Variants in EWSR1 observed in about 807,000 individuals in gnomAD.
EWSR1 encodes EWS RNA binding protein 1.
In EWSR1, 14 loss-of-function variants were observed where a neutral mutation model predicts 92.1. The observed-to-expected ratio is 0.15, with a 90% confidence interval of 0.10 to 0.24. EWSR1 has a LOEUF of 0.24. Among genes scored for constraint, EWSR1 ranks in the 10% least tolerant of loss-of-function variants. The pLI is 1.00. For synonymous variants in EWSR1, 303 were observed against 292.9 expected (o/e 1.03, Z -0.35); for missense variants, 637 against 870.9 (o/e 0.73, Z 3.38).
intron 8 of EWSR1, chr22:29,289,947 C>G (rs1043523512): frequency 4.3e-6 from 1 of 231,242 alleles, no homozygotes; most frequent in Non-Finnish European, 8.5e-6. Flanking sequence ...AAAGGTTTCA[C>G]TTCTTTTTGG....
In EWSR1 at chr22:29,298,898, A is replaced by G. The variant is rs2061104933; in HGVS notation, c.1580+3A>G. On this transcript the variant is annotated splice_donor_region_variant and intron_variant, in intron 14 of 16. Coordinates refer to ENST00000397938, the MANE Select transcript of EWSR1 (RefSeq NM_005243.4). The stretch of plus-strand genomic sequence containing the variant: ...GGAGACTGGCAGTGTCCCAATCCGT[A>G]TGTACTTGTCTTGGCAAATTGATAC... The G allele has an allele frequency of 6.5e-7, 1 of 1,540,030 alleles. No homozygotes were observed. The highest frequency in any genetic ancestry group is 8.7e-7 in the Non-Finnish European group (1 of 1,150,618).
At chr22:29,287,308 A>G (rs2060120312) in intron 7 of EWSR1, among the ~76,000 whole-genome samples, 174 bp downstream of exon 7, 1 of 152,132 alleles carries the variant, frequency 6.6e-6, no homozygotes. Context: ...TCCTGGTTCA[A>G]GCAATTCTCC....
intron 11 of EWSR1, chr22:29,295,995 G>T (rs1284583453): frequency 5.3e-6 from 2 of 379,844 alleles, no homozygotes; most frequent in African/African-American, 4.1e-5. Context: ...TCAGAAGATG[G>T]CTAAGGCAGG....
Position 29,299,692 on chromosome 22 carries a change from G to A in EWSR1, c.1772G>A (p.Gly591Asp), listed in dbSNP as rs2147849987. ...GGTCCCGGTGGAATGTTCAGAGGTGGCCGTGGTGGAGACAGAGGTGGCTTC... is the reference window on the plus strand; with the variant it reads ...GGTCCCGGTGGAATGTTCAGAGGTGACCGTGGTGGAGACAGAGGTGGCTTC... ...RGGPGGMFRG[G>D]RGGDRGGFRG... Residue 591 changes from glycine to aspartate, a missense_variant, in exon 16 of 17, where the codon GGC (glycine) becomes GAC (aspartate). Coordinates refer to ENST00000397938, the MANE Select transcript of EWSR1 (RefSeq NM_005243.4). 6.2e-7 allele frequency: 1 copy of A among 1,612,868 alleles called. No homozygotes were observed. The highest frequency in any genetic ancestry group is 1.1e-5 in the South Asian group (1 of 90,972).
intron 8 of EWSR1, chr22:29,290,266 TGTG>T (rs2060354362): frequency 4.7e-6 from 3 of 643,520 alleles, no homozygotes; most frequent in East Asian, 2.9e-5. Context: ...TTTATTGTGG[TGTG>T]GTGATGGTTT....
At chr22:29,292,672 A>C in intron 11 of EWSR1, 66 bp downstream of exon 11, 1 of 1,039,542 alleles carries the variant, frequency 9.6e-7, no homozygotes. Context: ...AAAGAGATTG[A>C]ATTGATGTTG....
chr22:29,272,760 T>C (rs367821738), intron 3 of EWSR1, among the ~76,000 whole-genome samples: 6 of 152,254 alleles, frequency 3.9e-5, no homozygotes, highest in African/African-American at 1.4e-4. Flanking sequence ...GAGGATGATA[T>C]GACCATTCTG....
rs373731597 is a variant in EWSR1, at chr22:29,299,774, T to A, written c.1854T>A (p.Pro618=). 1 of 1,602,966 alleles carries A rather than the reference T, an allele frequency of 6.2e-7. No homozygotes were observed. The highest frequency in any genetic ancestry group is 8.5e-7 in the Non-Finnish European group (1 of 1,173,230). The change falls in exon 16 of 17, where the codon CCT becomes CCA. Residue 618 remains proline (P), a synonymous_variant. Coordinates refer to ENST00000397938, the MANE Select transcript of EWSR1 (RefSeq NM_005243.4). ...TTGGTGGAGGAAGACGAGGTGGCCC[T>A]GGGGGGCCCCCTGGACCTTTGATGG... The part of the protein sequence containing the change: ...GGFGGGRRGG[P]GGPPGPLMEQ...
chr22:29,299,911 C>G lies in EWSR1; in HGVS notation c.1931+60C>G. On this transcript the variant is annotated intron_variant, in intron 16 of 16. Coordinates refer to ENST00000397938, the MANE Select transcript of EWSR1 (RefSeq NM_005243.4). ...GGCACAGTAAGAGGACAGCCCTTCCCAGCTTGGTTGGCGCAAGTCCTCATG... is the reference window on the plus strand; with the variant it reads ...GGCACAGTAAGAGGACAGCCCTTCCGAGCTTGGTTGGCGCAAGTCCTCATG... 2.6e-6 allele frequency: 4 copies of G among 1,532,256 alleles called. 1 individual carries two copies. In the South Asian group the frequency reaches 5.0e-5, roughly 19 times the overall value. 94.9% of individuals were successfully genotyped at this position (1,532,256 alleles called of 1,614,324 possible).
chr22:29,289,607 T>G (rs968028705), intron 8 of EWSR1: 3 of 232,510 alleles, frequency 1.3e-5, no homozygotes, highest in African/African-American at 6.6e-5. Context: ...CTGTGTGTGT[T>G]CTGTCCCTAT....
At chr22:29,268,741 G>A (rs978475744) in intron 1 of EWSR1, among the ~76,000 whole-genome samples, 2 of 152,248 alleles carry the variant, frequency 1.3e-5, no homozygotes, top group Non-Finnish European at 2.9e-5. Flanking sequence ...CCGCCGGGGG[G>A]CCCGCAGGCT....
At chr22:29,274,670 C>G (rs1465400358) in intron 4 of EWSR1, among the ~76,000 whole-genome samples, 1 of 152,074 alleles carries the variant, frequency 6.6e-6, no homozygotes, top group Non-Finnish European at 1.5e-5. Flanking sequence ...GGTTTCTAGT[C>G]CAGACACATT....
At chr22:29,287,670 GAA>G (rs1047125910) in intron 7 of EWSR1, among the ~76,000 whole-genome samples, 5 of 152,200 alleles carry the variant, frequency 3.3e-5, no homozygotes, top group African/African-American at 9.6e-5. Flanking sequence ...TGGCAAAAAA[GAA>G]AAGAGATACT....
chr22:29,282,362 T>A, intron 5 of EWSR1, 28 bp from the exon 6 acceptor site: 7 of 1,509,936 alleles, frequency 4.6e-6, no homozygotes, highest in Non-Finnish European at 6.2e-6. Context: ...AGTCACTTTT[T>A]AATTTTATTT....
intron 9 of EWSR1, 126 bp from the exon 10 acceptor site, chr22:29,292,011 G>T: frequency 1.2e-6 from 1 of 853,396 alleles, no homozygotes; most frequent in South Asian, 1.4e-5. Flanking sequence ...TAGCAGTGCG[G>T]GTCATTTTGA....
At chr22:29,288,502 T>C (rs1388287821) in intron 7 of EWSR1, 104 bp from the exon 8 acceptor site, 21 of 1,116,618 alleles carry the variant, frequency 1.9e-5, no homozygotes, top group Non-Finnish European at 2.5e-5. Context: ...GATGGTGCCT[T>C]GGTTAGTGCC....
chr22:29,274,530 T>G (rs1459039126), intron 4 of EWSR1: 10 of 466,104 alleles, frequency 2.1e-5, no homozygotes, highest in East Asian at 9.6e-5. Context: ...GTTATTTACC[T>G]TCCCAAAGGT....
chr22:29,282,383 C>T lies in EWSR1; in HGVS notation c.414-7C>T, dbSNP rs759608425. ...TTTTTAATTTTATTTATTATTTCTC[C>T]TCTTAGACCGCAGGATGGAAACAAG... On this transcript the variant is annotated splice_polypyrimidine_tract_variant and splice_region_variant and intron_variant, in intron 5 of 16. Coordinates refer to ENST00000397938, the MANE Select transcript of EWSR1 (RefSeq NM_005243.4). The T allele has an allele frequency of 4.5e-6, 7 of 1,558,836 alleles. No individual in the cohort carries two copies. Among genetic ancestry groups the T allele is most frequent in the Non-Finnish European group, 6.0e-6 (7 of 1,158,904 alleles).
intron 3 of EWSR1, among the ~76,000 whole-genome samples, chr22:29,273,386 A>C (rs1045030012): frequency 6.6e-6 from 1 of 152,202 alleles, no homozygotes; most frequent in Non-Finnish European, 1.5e-5. Flanking sequence ...AGCAGTTAAT[A>C]CACCTGTGCC....
Sources: allele counts gnomAD v4.1 joint callset (sites outside exome capture counted in the v4.1 genomes callset), GRCh38; gene constraint gnomAD v4.1.1; transcripts MANE v1.5; gene names NCBI Gene and HGNC (gene_info 2026-07-23, HGNC 2026-07-21).